Variants in DAPK1 observed in about 807,000 individuals in gnomAD.
DAPK1 encodes death-associated protein kinase 1.
Under a neutral mutation model 144.9 loss-of-function variants are expected in DAPK1, and 56 were observed. That is an observed-to-expected ratio of 0.39 (90% CI 0.31 to 0.48). The LOEUF is 0.48. Among genes scored for constraint, DAPK1 ranks in the 20% least tolerant of loss-of-function variants. DAPK1 has a pLI of 0.95. For missense variants in DAPK1, 1,454 were observed against 1,875.4 expected (o/e 0.78, Z 4.15); for synonymous variants, 690 against 749.0 (o/e 0.92, Z 1.29).
intron 2 of DAPK1, among the ~76,000 whole-genome samples, chr9:87,557,674 C>T (rs1001359435): frequency 2.0e-5 from 3 of 152,134 alleles, no homozygotes; most frequent in African/African-American, 7.2e-5. Context: ...GGCGCGGTAG[C>T]TTATGCTTAT....
At chr9:87,596,390 G>A (rs1004191072) in intron 2 of DAPK1, among the ~76,000 whole-genome samples, 2 of 151,854 alleles carry the variant, frequency 1.3e-5, no homozygotes, top group African/African-American at 4.8e-5. Flanking sequence ...CGCAGAGACT[G>A]GGGAAGGTAA....
intron 2 of DAPK1, among the ~76,000 whole-genome samples, chr9:87,571,527 AC>A (rs145771371): frequency 3.5e-5 from 5 of 141,246 alleles, no homozygotes; most frequent in Admixed American, 1.4e-4. Flanking sequence ...ACACACACAC[AC>A]CAGAAGCGAA....
chr9:87,704,423 A>G (rs1825562413), intron 25 of DAPK1, among the ~76,000 whole-genome samples: 1 of 152,164 alleles, frequency 6.6e-6, no homozygotes, highest in African/African-American at 2.4e-5. Context: ...GTAAAGAAGG[A>G]GGGTAATTAG....
intron 21 of DAPK1, among the ~76,000 whole-genome samples, chr9:87,687,268 C>T (rs1395355260): frequency 1.3e-5 from 2 of 152,154 alleles, no homozygotes; most frequent in Non-Finnish European, 2.9e-5. Context: ...ACCAACCTAT[C>T]TTCATTCCCC....
intron 3 of DAPK1, among the ~76,000 whole-genome samples, chr9:87,608,451 T>C (rs1828810804): frequency 6.6e-6 from 1 of 152,176 alleles, no homozygotes; most frequent in Non-Finnish European, 1.5e-5. Flanking sequence ...TACAGACTTG[T>C]GTGTGGGCAT....
Position 87,519,693 on chromosome 9 carries a change from A to G in DAPK1, c.62+20554A>G, listed in dbSNP as rs567878244. On this transcript the variant is annotated intron_variant, in intron 2 of 25. Coordinates refer to ENST00000408954, the MANE Select transcript of DAPK1 (RefSeq NM_004938.4). Reference sequence around the variant, plus strand: ...GGCCCAGGAGCACCCAGCATCCTCCAAGCAATGAGGTAGCACTGCTTCTGA... The same window carrying G: ...GGCCCAGGAGCACCCAGCATCCTCCGAGCAATGAGGTAGCACTGCTTCTGA... Among the ~76,000 whole-genome samples the G allele has an allele frequency of 8.5e-5, 13 of 152,244 alleles. 2 individuals are homozygous for G. Among genetic ancestry groups the G allele is most frequent in the African/African-American group, 3.1e-4 (13 of 41,552 alleles).
At chr9:87,568,805 A>C (rs909375044) in intron 2 of DAPK1, among the ~76,000 whole-genome samples, 3 of 152,202 alleles carry the variant, frequency 2.0e-5, no homozygotes, top group African/African-American at 7.2e-5. Flanking sequence ...AAACTGGTCC[A>C]CTTCCAAATT....
At position 87,686,412 on chromosome 9, in the gene DAPK1, A is replaced by G. The variant is rs750247201; in HGVS notation, c.2225-139A>G. 3 of 622,644 alleles carry G rather than the reference A, an allele frequency of 4.8e-6. No individual in the cohort carries two copies. The highest frequency in any genetic ancestry group is 8.7e-6 in the Non-Finnish European group (3 of 344,130). 38.6% of individuals were successfully genotyped at this position (622,644 alleles called of 1,614,324 possible). A position where few individuals can be genotyped will look rare whatever the true frequency, so the allele number is the denominator to read the frequency against. ...ACTGCTGCCCTGCACGTGTGAGGGC[A>G]GACACACTCAGCCTGAAGCCAGAGT... On this transcript the variant is annotated intron_variant, in intron 20 of 25. Coordinates refer to ENST00000408954, the MANE Select transcript of DAPK1 (RefSeq NM_004938.4). The surrounding 1 kb of genome is among the most constrained non-coding windows in gnomAD (Gnocchi z 4.2).
At chr9:87,655,231 A>G (rs1298148676) in intron 17 of DAPK1, among the ~76,000 whole-genome samples, 2 of 152,178 alleles carry the variant, frequency 1.3e-5, no homozygotes. Flanking sequence ...GTTCCACACA[A>G]GCTCTGCATC....
intron 16 of DAPK1, among the ~76,000 whole-genome samples, chr9:87,651,297 T>G (rs1297782818): frequency 6.6e-6 from 1 of 152,228 alleles, no homozygotes; most frequent in Non-Finnish European, 1.5e-5. Flanking sequence ...ATCAAGCTAG[T>G]GTTCAGCTTA....
intron 2 of DAPK1, among the ~76,000 whole-genome samples, chr9:87,532,420 T>C (rs1340932512): frequency 6.6e-6 from 1 of 152,242 alleles, no homozygotes; most frequent in African/African-American, 2.4e-5. Flanking sequence ...ACAGAGACCA[T>C]GTGGCCCTCA....
chr9:87,515,427 G>A (rs950709506), intron 2 of DAPK1, among the ~76,000 whole-genome samples: 1 of 152,184 alleles, frequency 6.6e-6, no homozygotes, highest in Admixed American at 6.5e-5. Context: ...ATGAGTAAGT[G>A]GCAGAACTGA....
chr9:87,590,886 A>G (rs556723652), intron 2 of DAPK1, among the ~76,000 whole-genome samples: 79 of 152,288 alleles, frequency 5.2e-4, no homozygotes, highest in Admixed American at 1.1e-3. Flanking sequence ...ACTGCACCCC[A>G]TCTATTTGTG....
chr9:87,644,687 T>G (rs918051925), intron 11 of DAPK1, among the ~76,000 whole-genome samples: 3 of 152,134 alleles, frequency 2.0e-5, no homozygotes, highest in Admixed American at 6.5e-5. Flanking sequence ...GATTAAAGAT[T>G]GCAAATTGAA....
At chr9:87,568,999 T>G (rs988638595) in intron 2 of DAPK1, among the ~76,000 whole-genome samples, 1 of 152,166 alleles carries the variant, frequency 6.6e-6, no homozygotes, top group African/African-American at 2.4e-5. Context: ...ACTGGAGGTG[T>G]GGGGCGAGGC....
In DAPK1 at chr9:87,700,247, C is replaced by G. The variant is rs776454921; in HGVS notation, c.2871+10C>G. 4 of 1,608,754 alleles carry G rather than the reference C, an allele frequency of 2.5e-6. No individual in the cohort carries two copies. In the South Asian group the frequency reaches 3.3e-5, roughly 13 times the overall value. The stretch of plus-strand genomic sequence containing the variant: ...AAGCCAGATTGTTTCGGTAAGTACA[C>G]CATGGAAAGAGCCTGGACCCCTTTG... On this transcript the variant is annotated intron_variant, in intron 24 of 25. Transcript: ENST00000408954.
At chr9:87,655,398 G>C (rs141753198) in intron 17 of DAPK1, among the ~76,000 whole-genome samples, 325 of 152,102 alleles carry the variant, frequency 2.1e-3, no homozygotes, top group African/African-American at 7.3e-3. Flanking sequence ...CTTTAGAAGG[G>C]CTTAAAAGAA....
chr9:87,530,200 A>G (rs12378187), intron 2 of DAPK1, among the ~76,000 whole-genome samples: 68,174 of 151,940 alleles, frequency 0.45, 15,565 homozygotes, highest in South Asian at 0.58. Context: ...TTATTCCACT[A>G]TTTTCCAGAA....
chr9:87,632,786 G>C (rs1260633272), intron 3 of DAPK1: 1 of 979,598 alleles, frequency 1.0e-6, no homozygotes, highest in African/African-American at 1.8e-5. Flanking sequence ...ATATGAAGGA[G>C]AATCAGTGTA....
Sources: allele counts gnomAD v4.1 joint callset (sites outside exome capture counted in the v4.1 genomes callset), GRCh38; gene constraint gnomAD v4.1.1; non-coding constraint Gnocchi (gnomAD v3.1); transcripts MANE v1.5; gene names NCBI Gene and HGNC (gene_info 2026-07-23, HGNC 2026-07-21).